The following DAOA variants were observed in gnomAD, a reference collection of about 807,000 sequenced individuals.
The protein encoded by DAOA is D-amino acid oxidase activator.
A neutral mutation model predicts 16.4 loss-of-function variants in DAOA; 15 were observed. That is an observed-to-expected ratio of 0.91 (90% CI 0.61 to 1.41). DAOA has a LOEUF of 1.41. DAOA is among the 40% of genes most tolerant of loss of function. The pLI is 0.00. For missense variants in DAOA, 230 were observed against 176.8 expected (o/e 1.30, Z -1.71); for synonymous variants, 75 against 59.1 (o/e 1.27, Z -1.23).
intron 4 of DAOA, among the ~76,000 whole-genome samples, chr13:105,486,435 G>T (rs1842016181): frequency 6.6e-6 from 1 of 151,988 alleles, no homozygotes; most frequent in Admixed American, 6.6e-5. Flanking sequence ...ACAAAATTGT[G>T]TGTCTGTTTC....
At chr13:105,470,860 A>G (rs1215157475) in intron 3 of DAOA, among the ~76,000 whole-genome samples, 2 of 151,712 alleles carry the variant, frequency 1.3e-5, no homozygotes. Flanking sequence ...ACACGATCTC[A>G]GCTCACTGCA....
At chr13:105,477,294 A>T (rs1030099146) in intron 4 of DAOA, 8 of 152,202 alleles carry the variant, frequency 5.3e-5, no homozygotes, top group African/African-American at 1.7e-4. Context: ...TCTATCAGAT[A>T]GAGTTTCTAC....
In DAOA at chr13:105,480,917, G is replaced by T. The variant is rs138025325; in HGVS notation, c.281+8232G>T. On this transcript the variant is annotated intron_variant, in intron 4 of 5. Transcript: ENST00000375936. ...GGTAAGGAGGGATCTTCCTCACTCA[G>T]TCCACTGACGCAGATGCCAAAGTCT... 4.3e-3 allele frequency among the ~76,000 whole-genome samples: 651 copies of T among 152,094 alleles called. 9 individuals carry two copies. The highest frequency in any genetic ancestry group is 0.015 in the African/African-American group (604 of 41,386).
chr13:105,489,846 G>A (rs372471840), intron 4 of DAOA, 55 bp from the exon 5 acceptor site: 90 of 1,613,532 alleles, frequency 5.6e-5, no homozygotes, highest in Middle Eastern at 1.7e-4. Context: ...CTTGACTCCG[G>A]TGATGAGGTT....
At chr13:105,475,683 G>A (rs1208117237) in intron 4 of DAOA, among the ~76,000 whole-genome samples, 1 of 152,088 alleles carries the variant, frequency 6.6e-6, no homozygotes, top group Non-Finnish European at 1.5e-5. Flanking sequence ...ATTTATGAAG[G>A]CAAAATAAAG....
At chr13:105,469,646 G>A (rs960493871) in intron 3 of DAOA, among the ~76,000 whole-genome samples, 17 of 152,022 alleles carry the variant, frequency 1.1e-4, no homozygotes, top group Admixed American at 9.2e-4. Flanking sequence ...TCCAATTATC[G>A]TTTCCCTACT....
upstream of DAOA, chr13:105,465,996 A>G (rs556903289): frequency 8.0e-5 from 26 of 325,738 alleles, no homozygotes; most frequent in Non-Finnish European, 1.3e-4. Context: ...CACGAATAAC[A>G]TTTTCATTTC....
chr13:105,475,061 A>C, intron 4 of DAOA: 1 of 985,412 alleles, frequency 1.0e-6, no homozygotes, highest in Non-Finnish European at 1.2e-6. Flanking sequence ...TTATGGAAGG[A>C]GACACTGAGG....
intron 4 of DAOA, among the ~76,000 whole-genome samples, chr13:105,485,776 A>G (rs1032653633): frequency 1.3e-5 from 2 of 152,168 alleles, no homozygotes; most frequent in African/African-American, 4.8e-5. Flanking sequence ...GTGATGATGG[A>G]GTGATATTCC....
At chr13:105,483,937 A>G (rs1169902447) in intron 4 of DAOA, among the ~76,000 whole-genome samples, 1 of 152,050 alleles carries the variant, frequency 6.6e-6, no homozygotes, top group Admixed American at 6.5e-5. Flanking sequence ...GTTCTGTTGC[A>G]TCTAATACAT....
intron 3 of DAOA, among the ~76,000 whole-genome samples, chr13:105,471,910 ATTTCACAGTC>A (rs1185364479): frequency 6.6e-6 from 1 of 152,188 alleles, no homozygotes; most frequent in African/African-American, 2.4e-5. Context: ...TTTACAGCTC[ATTTCACAGTC>A]TTTCACAACT....
At chr13:105,486,115 C>T (rs1878087781) in intron 4 of DAOA, among the ~76,000 whole-genome samples, 2 of 152,146 alleles carry the variant, frequency 1.3e-5, no homozygotes, top group African/African-American at 4.8e-5. Flanking sequence ...CAAATTGGAA[C>T]ATGTCATTGC....
At chr13:105,481,670 C>T (rs747553553) in intron 4 of DAOA, among the ~76,000 whole-genome samples, 3 of 152,136 alleles carry the variant, frequency 2.0e-5, no homozygotes, top group Non-Finnish European at 2.9e-5. Context: ...CTCTATCAAA[C>T]CTCTGGATCT....
intron 2 of DAOA, among the ~76,000 whole-genome samples, chr13:105,466,720 C>A (rs72549466): frequency 6.6e-6 from 1 of 152,050 alleles, no homozygotes; most frequent in Non-Finnish European, 1.5e-5. Flanking sequence ...ACTGGGATAA[C>A]TTTGTGCTTA....
intron 4 of DAOA, among the ~76,000 whole-genome samples, chr13:105,476,090 A>C (rs1041721940): frequency 1.3e-5 from 2 of 152,126 alleles, no homozygotes; most frequent in East Asian, 3.9e-4. Flanking sequence ...AGTTTATTAA[A>C]ATTTTATGTA....
rs1256549837 is a variant in DAOA at position 105,474,901 on chromosome 13, CTT to C, written c.281+2217_281+2218del. 1.3e-5 allele frequency: 7 copies of C among 548,036 alleles called. No homozygotes were observed. In the Admixed American group the frequency reaches 3.8e-4, roughly 30 times the overall value. The allele number at this position is 548,036 out of a possible 1,614,324, so 33.9% of individuals were successfully genotyped here. Reference sequence around the variant, plus strand: ...TGACTTTTAAAAAGTAAAAGACAAACTTGATGATAAATCTGAAATTAAGCAGA... The same window carrying C: ...TGACTTTTAAAAAGTAAAAGACAAACGATGATAAATCTGAAATTAAGCAGA... On this transcript the variant is annotated intron_variant, in intron 4 of 5. Transcript: ENST00000375936.
intron 4 of DAOA, among the ~76,000 whole-genome samples, chr13:105,487,071 A>G (rs1374738330): frequency 6.6e-6 from 1 of 152,204 alleles, no homozygotes; most frequent in Non-Finnish European, 1.5e-5. Context: ...GAATTAGGGT[A>G]AGAGGAGAAT....
chr13:105,482,510 T>TC (rs1877818429), intron 4 of DAOA, among the ~76,000 whole-genome samples: 1 of 151,208 alleles, frequency 6.6e-6, no homozygotes, highest in Non-Finnish European at 1.5e-5. Flanking sequence ...GTGTAAGTTT[T>TC]TTTTTTTTTT....
At chr13:105,472,194 T>C (rs1449523850) in intron 3 of DAOA, among the ~76,000 whole-genome samples, 1 of 152,218 alleles carries the variant, frequency 6.6e-6, no homozygotes, top group Non-Finnish European at 1.5e-5. Flanking sequence ...AAGTATGGTA[T>C]AGGCAATCCA....
Sources: allele counts gnomAD v4.1 joint callset (sites outside exome capture counted in the v4.1 genomes callset), GRCh38; gene constraint gnomAD v4.1.1; transcripts MANE v1.5; gene names NCBI Gene and HGNC (gene_info 2026-07-23, HGNC 2026-07-21).